Variants in DUS1L observed in about 807,000 individuals in gnomAD.
DUS1L encodes tRNA-dihydrouridine(16/17) synthase [NAD(P)(+)]-like.
A neutral mutation model predicts 61.2 loss-of-function variants in DUS1L; 56 were observed. That is an observed-to-expected ratio of 0.92 (90% CI 0.74 to 1.14). DUS1L has a LOEUF of 1.14. Among genes scored for constraint, DUS1L ranks in the 50% most tolerant of loss-of-function variants. The pLI, the probability that DUS1L is intolerant of heterozygous loss-of-function variation, is 0.00. For synonymous variants in DUS1L, 278 were observed against 259.5 expected (o/e 1.07, Z -0.69); for missense variants, 630 against 632.4 (o/e 1.00, Z 0.04).
Position 82,061,286 on chromosome 17 carries a change from C to A in DUS1L, c.765G>T (p.Glu255Asp), listed in dbSNP as rs1291839426. The A allele has an allele frequency of 1.2e-6, 2 of 1,611,262 alleles. No homozygotes were observed. Among genetic ancestry groups the A allele is most frequent in the Non-Finnish European group, 1.7e-6 (2 of 1,179,014 alleles). Residue 255 changes from glutamate to aspartate, a missense_variant, in exon 8 of 14, where the codon GAG becomes GAT. Glu to Asp is a conservative substitution (Grantham distance 45, BLOSUM62 2). Transcript: ENST00000306796. ...RSPAVWELAE[E>D]YLDIVREHPC... ...GGTGCTCCCGCACGATGTCCAGATA[C>A]TCCTCGGCCAGCTCCCACACGGCAG... is the stretch of plus-strand genomic sequence containing the variant.
In DUS1L at chr17:82,065,756, CG is replaced by C. The variant is rs1395341362; in HGVS notation, c.-155del. 6.8e-6 allele frequency: 1 copy of C among 147,368 alleles called. No homozygotes were observed. The highest frequency in any genetic ancestry group is 6.7e-5 in the Admixed American group (1 of 14,838). The allele number at this position is 147,368 out of a possible 1,614,324, so 9.1% of individuals were successfully genotyped here. A position where few individuals can be genotyped will look rare whatever the true frequency, so the allele number is the denominator to read the frequency against. On this transcript the variant is annotated 5_prime_UTR_variant, in exon 1 of 14. Transcript: ENST00000306796. Reference sequence around the variant, plus strand: ...GGCGCCGCGAACGCCCGCACCGCGCCGGGGCCGCCGCCGGGCCGCAGCCGGG... The same window carrying C: ...GGCGCCGCGAACGCCCGCACCGCGCCGGGCCGCCGCCGGGCCGCAGCCGGG...
At position 82,057,751 on chromosome 17, in the gene DUS1L, C is replaced by A. The variant is rs1349162041; in HGVS notation, c.*364G>T. 2 of 207,026 alleles carry A rather than the reference C, an allele frequency of 9.7e-6. No individual in the cohort carries two copies. Among genetic ancestry groups the A allele is most frequent in the African/African-American group, 4.7e-5 (2 of 42,964 alleles). 12.8% of individuals were successfully genotyped at this position (207,026 alleles called of 1,614,324 possible). On this transcript the variant is annotated 3_prime_UTR_variant, in exon 14 of 14. Coordinates refer to ENST00000306796, the MANE Select transcript of DUS1L (RefSeq NM_022156.5). Reference sequence around the variant, plus strand: ...AGGGGACCTAAGCCCCCACTTTTGTCTACCCAGATGCTGCCTTCATTTAGA... The same window carrying A: ...AGGGGACCTAAGCCCCCACTTTTGTATACCCAGATGCTGCCTTCATTTAGA...
Position 82,058,388 on chromosome 17 carries a change from C to T in DUS1L, c.1235G>A (p.Arg412His), listed in dbSNP as rs1260620411. The T allele has an allele frequency of 1.1e-5, 16 of 1,490,038 alleles. No homozygotes were observed. The highest frequency in any genetic ancestry group is 1.4e-5 in the African/African-American group (1 of 71,048). The allele number at this position is 1,490,038 out of a possible 1,614,324, so 92.3% of individuals were successfully genotyped here. The change falls in exon 13 of 14, where the codon CGC becomes CAC. Residue 412 changes from arginine (R) to histidine (H), a missense_variant. By Grantham distance (29) the Arg-to-His change is conservative (BLOSUM62 0). Transcript: ENST00000306796. ...GGAGGCTCGCTTCTTGCAGCAGCCG[C>T]GGCACAGGCTGAACACACATCTGTT... Reference protein sequence around the residue: ...KGNRCVFSLCRGCCKKRASKE... With the variant: ...KGNRCVFSLCHGCCKKRASKE...
intron 12 of DUS1L, 78 bp from the exon 13 acceptor site, chr17:82,058,494 C>G: frequency 6.8e-7 from 1 of 1,470,310 alleles, no homozygotes. Flanking sequence ...AGCAGCCCCA[C>G]TGGGGAAGCC....
chr17:82,062,951 G>A lies in DUS1L; in HGVS notation c.420C>T (p.Leu140=), dbSNP rs1213557354. The stretch of plus-strand genomic sequence containing the variant: ...GGATTTTGCACGTGACAGGAACAGA[G>A]AGTTTCTCGTGGGCCAGCAAAACTG... ...QRMILLAHEK[L]SVPVTCKIRV... The change falls in exon 5 of 14, where the codon CTC becomes CTT. Residue 140 remains leucine (L), a synonymous_variant. Coordinates refer to ENST00000306796, the MANE Select transcript of DUS1L (RefSeq NM_022156.5). The A allele has an allele frequency of 9.3e-6, 15 of 1,612,892 alleles. No homozygotes were observed. Among genetic ancestry groups the A allele is most frequent in the Non-Finnish European group, 1.3e-5 (15 of 1,179,956 alleles).
intron 11 of DUS1L, chr17:82,059,064 G>A (rs2033279296): frequency 1.8e-6 from 1 of 562,994 alleles, no homozygotes; most frequent in Non-Finnish European, 3.2e-6. Flanking sequence ...GGTGGGCTGG[G>A]GGGCCGCCGC....
chr17:82,062,332 C>T (rs929660198), intron 5 of DUS1L, among the ~76,000 whole-genome samples: 1 of 152,210 alleles, frequency 6.6e-6, no homozygotes, highest in African/African-American at 2.4e-5. Context: ...GCTAGTGGGG[C>T]ACTGGGGGGG....
Position 82,058,324 on chromosome 17 carries a change from G to A in DUS1L, c.1282+17C>T. 6.6e-7 allele frequency: 1 copy of A among 1,515,778 alleles called. No homozygotes were observed. Among genetic ancestry groups the A allele is most frequent in the Non-Finnish European group, 8.9e-7 (1 of 1,128,220 alleles). 93.9% of individuals were successfully genotyped at this position (1,515,778 alleles called of 1,614,324 possible). Reference sequence around the variant, plus strand: ...GGTCTGTTTGCCTGCTGCGGGGCGGGTGGTAGGCGCCCTCACCTGGGCAGT... The same window carrying A: ...GGTCTGTTTGCCTGCTGCGGGGCGGATGGTAGGCGCCCTCACCTGGGCAGT... On this transcript the variant is annotated intron_variant, in intron 13 of 13. Coordinates refer to ENST00000306796, the MANE Select transcript of DUS1L (RefSeq NM_022156.5).
chr17:82,064,807 AGCCCCTCC>A lies in DUS1L; in HGVS notation c.237+8_237+15del. Reference sequence around the variant, plus strand: ...GGAACCCAACCGCGGCCGCGGCCACAGCCCCTCCTGCGCACCTGCACGATGAGGGGCCG... The same window carrying A: ...GGAACCCAACCGCGGCCGCGGCCACATGCGCACCTGCACGATGAGGGGCCG... On this transcript the variant is annotated splice_region_variant and intron_variant, in intron 2 of 13. Coordinates refer to ENST00000306796, the MANE Select transcript of DUS1L (RefSeq NM_022156.5). The A allele has an allele frequency of 2.5e-6, 4 of 1,595,262 alleles. No homozygotes were observed. The highest frequency in any genetic ancestry group is 2.6e-6 in the Non-Finnish European group (3 of 1,170,106).
chr17:82,064,098 G>T (rs370641582), intron 3 of DUS1L, 28 bp downstream of exon 3: 1 of 1,599,238 alleles, frequency 6.3e-7, no homozygotes, highest in Admixed American at 1.7e-5. Context: ...CCTGCCCCAG[G>T]TGCCCCCATG....
At chr17:82,061,416 G>A in intron 7 of DUS1L, 63 bp from the exon 8 acceptor site, 2 of 1,534,344 alleles carry the variant, frequency 1.3e-6, no homozygotes, top group Non-Finnish European at 1.8e-6. Context: ...GCACAGGAAA[G>A]CCTGGGACAC....
At chr17:82,060,334 G>C in intron 10 of DUS1L, 1 of 608,026 alleles carries the variant, frequency 1.6e-6, no homozygotes. Flanking sequence ...CTCCAGGGAG[G>C]GCTGTGGCCA....
chr17:82,063,428 G>C (rs752353989), intron 4 of DUS1L, 40 bp downstream of exon 4: 1 of 1,613,486 alleles, frequency 6.2e-7, no homozygotes, highest in South Asian at 1.1e-5. Flanking sequence ...CCCTCTTGAG[G>C]GTCTCTGGGG....
intron 7 of DUS1L, 53 bp from the exon 8 acceptor site, chr17:82,061,406 G>A: frequency 1.3e-6 from 2 of 1,536,970 alleles, no homozygotes; most frequent in East Asian, 2.3e-5. Context: ...CAGGTGGACG[G>A]CACAGGAAAG....
Position 82,058,372 on chromosome 17 carries a change from C to G in DUS1L, c.1251G>C (p.Lys417Asn), listed in dbSNP as rs781445339. ...VFSLCRGCCK[K>N]RASKETADCP... ...AGTCTGCAGTCTCTTTGGAGGCTCG[C>G]TTCTTGCAGCAGCCGCGGCACAGGC... The change falls in exon 13 of 14, where the codon AAG becomes AAC. Residue 417 changes from lysine to asparagine, a missense_variant. Lys to Asn is a moderately conservative substitution (Grantham distance 94, BLOSUM62 0). Coordinates refer to ENST00000306796, the MANE Select transcript of DUS1L (RefSeq NM_022156.5). 1.3e-6 allele frequency: 2 copies of G among 1,489,846 alleles called. No homozygotes were observed. Among genetic ancestry groups the G allele is most frequent in the South Asian group, 2.8e-5 (2 of 71,610 alleles). 92.3% of individuals were successfully genotyped at this position (1,489,846 alleles called of 1,614,324 possible).
chr17:82,058,775 A>T lies in DUS1L; in HGVS notation c.1206+6T>A. On this transcript the variant is annotated splice_donor_region_variant and intron_variant, in intron 12 of 13. Transcript: ENST00000306796. ...CCTTGGTGGCTTGCAGCCGGAACCC[A>T]CTCACCTTTGGGTTTCCACACTGGT... 6.2e-7 allele frequency: 1 copy of T among 1,613,250 alleles called. No individual in the cohort carries two copies. The highest frequency in any genetic ancestry group is 8.5e-7 in the Non-Finnish European group (1 of 1,179,892).
chr17:82,060,197 G>A (rs1322363897), intron 10 of DUS1L, 104 bp from the exon 11 acceptor site: 24 of 1,428,590 alleles, frequency 1.7e-5, no homozygotes, highest in Admixed American at 2.3e-5. Context: ...CGGCCGTGGC[G>A]AGTGCCGCTG....
Position 82,064,995 on chromosome 17 carries a change from G to T in DUS1L, c.65C>A (p.Ala22Asp), listed in dbSNP as rs1261726577. The T allele has an allele frequency of 1.2e-6, 2 of 1,610,952 alleles. No individual in the cohort carries two copies. The highest frequency in any genetic ancestry group is 1.3e-5 in the African/African-American group (1 of 74,900). Residue 22 changes from alanine to aspartate, a missense_variant, in exon 2 of 14, where the codon GCC (alanine) becomes GAC (aspartate). By Grantham distance (126) the Ala-to-Asp change is moderately radical. Coordinates refer to ENST00000306796, the MANE Select transcript of DUS1L (RefSeq NM_022156.5). ...CAGCTCGCTCTGGTCCACCATGGGG[G>T]CCACGACGTGGCGGGCCCCTCGCAG... ...RTLRGARHVV[A>D]PMVDQSELAW...
Position 82,065,071 on chromosome 17 carries a change from T to C in DUS1L, c.-10-2A>G, listed in dbSNP as rs1225927266. ...TGCAGCTTTGGCATCGTCTCCAGGCTGGGGGAAAGGCGCAGACCCGGGGTT... is the reference window on the plus strand; with the variant it reads ...TGCAGCTTTGGCATCGTCTCCAGGCCGGGGGAAAGGCGCAGACCCGGGGTT... On this transcript the variant is annotated splice_acceptor_variant, in intron 1 of 13. Coordinates refer to ENST00000306796, the MANE Select transcript of DUS1L (RefSeq NM_022156.5). LOFTEE classifies it low-confidence loss of function (5UTR_SPLICE). The C allele has an allele frequency of 5.7e-6, 9 of 1,582,732 alleles. No homozygotes were observed. Among genetic ancestry groups the C allele is most frequent in the Non-Finnish European group, 7.7e-6 (9 of 1,163,098 alleles).
Sources: gnomAD v4.1 joint callset for allele counts (sites outside exome capture counted in the v4.1 genomes callset) on GRCh38, gnomAD v4.1.1 for gene constraint, MANE v1.5 for transcripts, NCBI Gene and HGNC (gene_info 2026-07-23, HGNC 2026-07-21) for gene names.